PRKN: variants seen among roughly 807,000 people sequenced by gnomAD.
PRKN encodes parkin RBR E3 ubiquitin protein ligase.
A neutral mutation model predicts 59.5 loss-of-function variants in PRKN; 56 were observed. That is an observed-to-expected ratio of 0.94 (90% CI 0.76 to 1.18). The LOEUF (loss-of-function observed/expected upper bound fraction) is 1.18, where lower values mean the gene tolerates loss of function less well. Among genes scored for constraint, PRKN ranks in the 50% most tolerant of loss-of-function variants. The pLI, the probability that PRKN is intolerant of heterozygous loss-of-function variation, is 0.00. For synonymous variants in PRKN, 250 were observed against 222.1 expected (o/e 1.13, Z -1.12); for missense variants, 657 against 596.4 (o/e 1.10, Z -1.06).
At chr6:161,763,806 G>A (rs1050514919) in intron 7 of PRKN, among the ~76,000 whole-genome samples, 6 of 151,952 alleles carry the variant, frequency 3.9e-5, no homozygotes, top group Non-Finnish European at 7.4e-5. Context: ...AGACCTACCC[G>A]TCCTGAGCTG....
At chr6:161,808,573 G>A (rs1256922545) in intron 6 of PRKN, among the ~76,000 whole-genome samples, 7 of 152,104 alleles carry the variant, frequency 4.6e-5, no homozygotes, top group Non-Finnish European at 1.0e-4. Flanking sequence ...TATAAAGGGT[G>A]TTCTTAATAT....
intron 5 of PRKN, among the ~76,000 whole-genome samples, chr6:162,021,243 G>A (rs1403261849): frequency 9.7e-6 from 1 of 103,384 alleles, no homozygotes; most frequent in African/African-American, 3.5e-5. Flanking sequence ...TATATATAAT[G>A]TACTTAATTG....
chr6:162,229,154 G>A (rs1268701057), intron 3 of PRKN, among the ~76,000 whole-genome samples: 2 of 152,092 alleles, frequency 1.3e-5, no homozygotes, highest in African/African-American at 4.8e-5. Flanking sequence ...TGACTCATCT[G>A]CCTTGCCATC....
chr6:161,969,561 A>C (rs1040843091), intron 6 of PRKN, among the ~76,000 whole-genome samples: 1 of 152,088 alleles, frequency 6.6e-6, no homozygotes, highest in Non-Finnish European at 1.5e-5. Context: ...GGGCGTTGGC[A>C]TAACAGGCCT....
chr6:162,682,430 G>C (rs1374970089), intron 1 of PRKN, among the ~76,000 whole-genome samples: 2 of 152,092 alleles, frequency 1.3e-5, no homozygotes, highest in African/African-American at 4.8e-5. Context: ...CCATAAAAAA[G>C]AATGAAATCA....
chr6:162,258,457 A>G (rs1779747250), intron 3 of PRKN, among the ~76,000 whole-genome samples: 1 of 152,220 alleles, frequency 6.6e-6, no homozygotes, highest in South Asian at 2.1e-4. Context: ...GGAAACACCA[A>G]TAACACATGA....
At chr6:162,541,082 C>A (rs936807696) in intron 1 of PRKN, among the ~76,000 whole-genome samples, 1 of 152,186 alleles carries the variant, frequency 6.6e-6, no homozygotes, top group Non-Finnish European at 1.5e-5. Context: ...GGAGGCCTCT[C>A]TTCCCTGATT....
intron 8 of PRKN, among the ~76,000 whole-genome samples, chr6:161,557,952 G>C (rs1469030619): frequency 6.6e-6 from 1 of 152,220 alleles, no homozygotes; most frequent in South Asian, 2.1e-4. Context: ...TTACATCTCA[G>C]CCAAAAGCAC....
chr6:162,005,881 C>G (rs1782232982), intron 5 of PRKN, among the ~76,000 whole-genome samples: 1 of 151,932 alleles, frequency 6.6e-6, no homozygotes, highest in South Asian at 2.1e-4. Flanking sequence ...CTATTTAATC[C>G]TATAATCTGA....
intron 2 of PRKN, among the ~76,000 whole-genome samples, chr6:162,337,092 A>G (rs149389036): frequency 5.6e-4 from 86 of 152,338 alleles, no homozygotes; most frequent in African/African-American, 2.0e-3. Flanking sequence ...GACTACAAAT[A>G]TTGAATTAGT....
At chr6:162,403,216 C>CTCCTCACTCACTCTG (rs1393838771) in intron 2 of PRKN, among the ~76,000 whole-genome samples, 2 of 152,108 alleles carry the variant, frequency 1.3e-5, no homozygotes, top group Non-Finnish European at 2.9e-5. Flanking sequence ...ACTTGTAGCT[C>CTCCTCACTCACTCTG]GCCTCCAGCT....
At chr6:162,163,172 T>C (rs1346143539) in intron 4 of PRKN, among the ~76,000 whole-genome samples, 1 of 149,326 alleles carries the variant, frequency 6.7e-6, no homozygotes, top group African/African-American at 2.5e-5. Context: ...CCAGTGTCTC[T>C]AACTTCCTGT....
intron 6 of PRKN, among the ~76,000 whole-genome samples, chr6:161,958,616 C>A (rs1483875900): frequency 6.6e-6 from 1 of 151,762 alleles, no homozygotes; most frequent in African/African-American, 2.4e-5. Context: ...CAGTGGCTCA[C>A]ACCTGTAATC....
At chr6:162,021,777 C>A (rs56298743) in intron 5 of PRKN, among the ~76,000 whole-genome samples, 7,153 of 151,964 alleles carry the variant, frequency 0.047, 606 homozygotes, top group African/African-American at 0.16. Context: ...TTTGGGCTAC[C>A]ATTGAATCCA....
intron 9 of PRKN, among the ~76,000 whole-genome samples, chr6:161,500,914 C>T (rs1374664097): frequency 2.3e-5 from 3 of 128,820 alleles, no homozygotes; most frequent in East Asian, 4.4e-4. Context: ...CTCCCTCTGT[C>T]GCCCGGGCTG....
At chr6:161,465,628 AG>A (rs1438643306) in intron 9 of PRKN, among the ~76,000 whole-genome samples, 1 of 152,120 alleles carries the variant, frequency 6.6e-6, no homozygotes, top group East Asian at 1.9e-4. Flanking sequence ...TCCCTCTGGC[AG>A]CTCTTAACAT....
chr6:161,830,863 G>A (rs1346576432), intron 6 of PRKN, among the ~76,000 whole-genome samples: 1 of 152,028 alleles, frequency 6.6e-6, no homozygotes, highest in Non-Finnish European at 1.5e-5. Flanking sequence ...TCCTTCTAAT[G>A]GCATCCAGCA....
At chr6:162,157,770 C>T (rs1191741140) in intron 4 of PRKN, among the ~76,000 whole-genome samples, 1 of 151,990 alleles carries the variant, frequency 6.6e-6, no homozygotes, top group East Asian at 1.9e-4. Flanking sequence ...AAGACACATT[C>T]AGAAAGACTT....
In PRKN at chr6:161,348,174, G is replaced by A. The variant is rs763492565; in HGVS notation, c.*1925C>T. On this transcript the variant is annotated 3_prime_UTR_variant, in exon 12 of 12. Coordinates refer to ENST00000366898, the MANE Select transcript of PRKN (RefSeq NM_004562.3). The surrounding 1 kb of genome is among the most constrained non-coding windows in gnomAD (Gnocchi z 4.9). ...ACTGTGTGCTCCACGTGACAGAAGG[G>A]AGCCACCTGATTTGTCGCATCGGGC... 9.9e-6 allele frequency: 2 copies of A among 202,324 alleles called. No individual in the cohort carries two copies. Among genetic ancestry groups the A allele is most frequent in the African/African-American group, 4.6e-5 (2 of 43,470 alleles). 12.5% of individuals were successfully genotyped at this position (202,324 alleles called of 1,614,324 possible).
Sources: allele counts gnomAD v4.1 joint callset (sites outside exome capture counted in the v4.1 genomes callset), GRCh38; gene constraint gnomAD v4.1.1; non-coding constraint Gnocchi (gnomAD v3.1); transcripts MANE v1.5; gene names NCBI Gene and HGNC (gene_info 2026-07-23, HGNC 2026-07-21).